Variants in PLEKHA2 observed in about 807,000 individuals in gnomAD.
PLEKHA2 encodes the protein pleckstrin homology domain-containing family A member 2.
Under a neutral mutation model 53.2 loss-of-function variants are expected in PLEKHA2, and 28 were observed. The observed-to-expected ratio is 0.53, with a 90% CI of 0.39 to 0.72. PLEKHA2 has a LOEUF of 0.72. Ranked by LOEUF, PLEKHA2 falls within the 30% of genes least tolerant of loss-of-function variation. The probability of loss-of-function intolerance (pLI) is 0.00; values close to 1 mark genes in which losing one functional copy is unlikely to be tolerated. For synonymous variants in PLEKHA2, 193 were observed against 196.4 expected (o/e 0.98, Z 0.14); for missense variants, 426 against 537.9 (o/e 0.79, Z 2.06).
intron 5 of PLEKHA2, 104 bp downstream of exon 5, chr8:38,946,325 C>A: frequency 1.0e-6 from 1 of 972,376 alleles, no homozygotes; most frequent in Non-Finnish European, 1.6e-6. Flanking sequence ...GGGGACTTTC[C>A]CAGGAGCCTG....
At chr8:38,906,276 G>C (rs562485866) in intron 1 of PLEKHA2, among the ~76,000 whole-genome samples, 1 of 152,210 alleles carries the variant, frequency 6.6e-6, no homozygotes, top group African/African-American at 2.4e-5. Context: ...TTTCCTGCAG[G>C]CTCCAACAAC....
At chr8:38,943,066 G>A (rs532373138) in intron 3 of PLEKHA2, among the ~76,000 whole-genome samples, 15 of 152,288 alleles carry the variant, frequency 9.8e-5, no homozygotes, top group South Asian at 2.1e-4. Context: ...TAGCAATATT[G>A]CCTTCAGCTT....
intron 3 of PLEKHA2, among the ~76,000 whole-genome samples, chr8:38,938,678 C>T (rs1285214924): frequency 6.6e-6 from 1 of 152,202 alleles, no homozygotes. Context: ...TCCCTGACCT[C>T]TGCTCGCTGC....
chr8:38,903,273 G>C (rs1370593594), intron 1 of PLEKHA2, among the ~76,000 whole-genome samples: 1 of 152,178 alleles, frequency 6.6e-6, no homozygotes, highest in Non-Finnish European at 1.5e-5. Flanking sequence ...CTCCTAGTGG[G>C]GTTTTAGCTA....
intron 3 of PLEKHA2, among the ~76,000 whole-genome samples, chr8:38,938,129 C>A (rs62504370): frequency 0.19 from 28,269 of 152,204 alleles, 3,003 homozygotes; most frequent in Non-Finnish European, 0.25. Context: ...CAGCCAACCC[C>A]GCTGTCCCAC....
At chr8:38,924,630 T>C (rs940995120) in intron 2 of PLEKHA2, among the ~76,000 whole-genome samples, 1 of 152,200 alleles carries the variant, frequency 6.6e-6, no homozygotes, top group Non-Finnish European at 1.5e-5. Context: ...CAGAATGGCT[T>C]CCAGCAGCCC....
chr8:38,930,760 G>A (rs1834377864), intron 2 of PLEKHA2, among the ~76,000 whole-genome samples: 1 of 152,168 alleles, frequency 6.6e-6, no homozygotes, highest in African/African-American at 2.4e-5. Context: ...TGGTGCAGCA[G>A]CCAGGGTGAC....
chr8:38,910,827 C>A (rs536649947), intron 1 of PLEKHA2, among the ~76,000 whole-genome samples: 2 of 152,226 alleles, frequency 1.3e-5, no homozygotes, highest in East Asian at 3.9e-4. Context: ...AAAACCAGTC[C>A]ATTAATGTTA....
At chr8:38,937,310 C>T (rs950928729) in intron 3 of PLEKHA2, among the ~76,000 whole-genome samples, 2 of 152,192 alleles carry the variant, frequency 1.3e-5, no homozygotes, top group African/African-American at 4.8e-5. Context: ...GTGGCTGCCT[C>T]CCCGGGCCAG....
At chr8:38,920,509 A>G (rs1834165543) in intron 2 of PLEKHA2, among the ~76,000 whole-genome samples, 1 of 148,862 alleles carries the variant, frequency 6.7e-6, no homozygotes, top group African/African-American at 2.5e-5. Flanking sequence ...TCCTCACCTC[A>G]AGTGATCTGC....
intron 3 of PLEKHA2, among the ~76,000 whole-genome samples, chr8:38,942,038 G>T: frequency 6.6e-6 from 1 of 152,208 alleles, no homozygotes; most frequent in East Asian, 1.9e-4. Context: ...ACTGCTGTCA[G>T]CCAGGAAGAT....
intron 1 of PLEKHA2, among the ~76,000 whole-genome samples, chr8:38,910,329 G>C (rs1463080520): frequency 1.3e-5 from 2 of 152,134 alleles, no homozygotes; most frequent in Non-Finnish European, 2.9e-5. Flanking sequence ...GTTTGTGAGA[G>C]ACAGAGAAGA....
chr8:38,954,730 A>AT (rs1834906665), intron 9 of PLEKHA2, among the ~76,000 whole-genome samples: 1 of 152,144 alleles, frequency 6.6e-6, no homozygotes, highest in Admixed American at 6.5e-5. Flanking sequence ...GTTTTAAAAA[A>AT]ATATATATCT....
Position 38,938,584 on chromosome 8 carries a change from G to A in PLEKHA2, c.198+2534G>A, listed in dbSNP as rs900055719. ...GTGGTCTGTGTTTGATCTGATAAGC[G>A]CAAGTTCCTGAGAGTCTGTTGAGCT... On this transcript the variant is annotated intron_variant, in intron 3 of 11. Transcript: ENST00000617275. Among the ~76,000 whole-genome samples, 5 of 152,326 alleles carry A rather than the reference G, an allele frequency of 3.3e-5. 1 individual carries two copies. Among genetic ancestry groups the A allele is most frequent in the African/African-American group, 7.2e-5 (3 of 41,588 alleles).
intron 9 of PLEKHA2, 123 bp from the exon 10 acceptor site, chr8:38,957,200 G>A (rs1024202345): frequency 1.5e-6 from 1 of 672,262 alleles, no homozygotes; most frequent in Non-Finnish European, 2.5e-6. Context: ...AGGAAGAATG[G>A]CTTGGAACCA....
At chr8:38,959,317 G>A (rs1334822587) in intron 10 of PLEKHA2, among the ~76,000 whole-genome samples, 3 of 152,116 alleles carry the variant, frequency 2.0e-5, no homozygotes, top group Non-Finnish European at 2.9e-5. Flanking sequence ...TTTTTTTAAA[G>A]CCTGGTAATA....
Position 38,969,971 on chromosome 8 carries a change from G to GTA in PLEKHA2, c.*189_*190insAT. On this transcript the variant is annotated 3_prime_UTR_variant, in exon 12 of 12. Coordinates refer to ENST00000617275, the MANE Select transcript of PLEKHA2 (RefSeq NM_021623.2). ...TGTGTGTGTGTGTGTGTGTGTGTGT[G>GTA]TGTGTGTAATATCAACGCAGTGTAT... 3 of 761,464 alleles carry GTA rather than the reference G, an allele frequency of 3.9e-6. No homozygotes were observed. The East Asian group carries it at 8.1e-5, about 20-fold the overall frequency. The allele number at this position is 761,464 out of a possible 1,614,324, so 47.2% of individuals were successfully genotyped here. A position where few individuals can be genotyped will look rare whatever the true frequency, so the allele number is the denominator to read the frequency against.
rs1292665199 is a variant in PLEKHA2 at position 38,969,735 on chromosome 8, G to A, written c.1230G>A (p.Pro410=). 4.6e-6 allele frequency: 6 copies of A among 1,299,960 alleles called. No homozygotes were observed. In the African/African-American group the frequency reaches 4.7e-5, roughly 10 times the overall value. The allele number at this position is 1,299,960 out of a possible 1,614,324, so 80.5% of individuals were successfully genotyped here. The change falls in exon 12 of 12, where the codon CCG becomes CCA. Residue 410 remains proline (P), a synonymous_variant. Coordinates refer to ENST00000617275, the MANE Select transcript of PLEKHA2 (RefSeq NM_021623.2). Reference sequence around the variant, plus strand: ...AGCCCCAGCACCCCAAGGAGAAGCCGTTTATGTTCAACCTTGATGATGAAA... The same window carrying A: ...AGCCCCAGCACCCCAAGGAGAAGCCATTTATGTTCAACCTTGATGATGAAA... The part of the protein sequence containing the change: ...RSEPQHPKEK[P]FMFNLDDENI...
At position 38,918,087 on chromosome 8, in the gene PLEKHA2, G is replaced by A; in HGVS notation, c.141+17G>A. The stretch of plus-strand genomic sequence containing the variant: ...AACCCCCAGGTGAGAGGGTCAGTGG[G>A]AAGGGGTGGGGCGACTGGGTGCCCA... On this transcript the variant is annotated intron_variant, in intron 2 of 11. Coordinates refer to ENST00000617275, the MANE Select transcript of PLEKHA2 (RefSeq NM_021623.2). 1 of 1,610,034 alleles carries A rather than the reference G, an allele frequency of 6.2e-7. No individual in the cohort carries two copies. The highest frequency in any genetic ancestry group is 1.1e-5 in the South Asian group (1 of 90,516).
Sources: gnomAD v4.1 joint callset for allele counts (sites outside exome capture counted in the v4.1 genomes callset) on GRCh38, gnomAD v4.1.1 for gene constraint, MANE v1.5 for transcripts, NCBI Gene and HGNC (gene_info 2026-07-23, HGNC 2026-07-21) for gene names.